Variants in SGTB observed in about 807,000 individuals in gnomAD.
SGTB encodes small glutamine-rich tetratricopeptide repeat-containing protein beta.
A neutral mutation model predicts 43.9 loss-of-function variants in SGTB; 19 were observed. The ratio of observed to expected loss-of-function variants is 0.43; its 90% CI spans 0.30 to 0.63. SGTB has a LOEUF of 0.63. Among genes scored for constraint, SGTB ranks in the 30% least tolerant of loss-of-function variants. The probability of loss-of-function intolerance (pLI) is 0.12; values close to 1 mark genes in which losing one functional copy is unlikely to be tolerated. For missense variants in SGTB, 304 were observed against 358.9 expected (o/e 0.85, Z 1.24); for synonymous variants, 116 against 117.3 (o/e 0.99, Z 0.07).
intron 10 of SGTB, among the ~76,000 whole-genome samples, chr5:65,670,650 T>C (rs943125063): frequency 2.0e-5 from 3 of 152,216 alleles, no homozygotes; most frequent in Admixed American, 2.0e-4. Flanking sequence ...GTAAGACGTA[T>C]ATGTTTTTAT....
At chr5:65,712,680 G>C (rs1554026420) in intron 3 of SGTB, among the ~76,000 whole-genome samples, 1 of 151,132 alleles carries the variant, frequency 6.6e-6, no homozygotes, top group South Asian at 2.1e-4. Context: ...TGACATTCAA[G>C]AAAAAAAATA....
chr5:65,671,368 AC>A (rs1194873176), intron 10 of SGTB, among the ~76,000 whole-genome samples: 1 of 152,088 alleles, frequency 6.6e-6, no homozygotes, highest in Non-Finnish European at 1.5e-5. Flanking sequence ...CAGTATTGAT[AC>A]CCCCACTTAA....
At position 65,686,649 on chromosome 5, in the gene SGTB, G is replaced by A. The variant is rs949328423; in HGVS notation, c.375-1177C>T. ...GCTGGGATTACAGGCATGAGCCACC[G>A]CACCTGGCCCCATATATGTTGTTTT... On this transcript the variant is annotated intron_variant, in intron 5 of 10. Coordinates refer to ENST00000381007, the MANE Select transcript of SGTB (RefSeq NM_019072.3). 5.9e-5 allele frequency among the ~76,000 whole-genome samples: 9 copies of A among 151,810 alleles called. No homozygotes were observed. The South Asian group carries it at 6.2e-4, about 11-fold the overall frequency.
At chr5:65,677,526 A>G (rs1427247357) in intron 8 of SGTB, among the ~76,000 whole-genome samples, 1 of 152,160 alleles carries the variant, frequency 6.6e-6, no homozygotes, top group Non-Finnish European at 1.5e-5. Flanking sequence ...CCTGGCAGAG[A>G]TACAATAACA....
chr5:65,700,384 A>G (rs1179083076), intron 5 of SGTB, among the ~76,000 whole-genome samples: 1 of 152,114 alleles, frequency 6.6e-6, no homozygotes, highest in African/African-American at 2.4e-5. Flanking sequence ...AAAAAGAAGA[A>G]TGAGCCGGGT....
Position 65,667,156 on chromosome 5 carries a change from G to A in SGTB, c.*3090C>T, listed in dbSNP as rs2150698891. 6.6e-6 allele frequency: 1 copy of A among 152,140 alleles called. No individual in the cohort carries two copies. The highest frequency in any genetic ancestry group is 1.9e-4 in the East Asian group (1 of 5,174). The allele number at this position is 152,140 out of a possible 1,614,324, so 9.4% of individuals were successfully genotyped here. A position where few individuals can be genotyped will look rare whatever the true frequency, so the allele number is the denominator to read the frequency against. On this transcript the variant is annotated 3_prime_UTR_variant, in exon 11 of 11. Coordinates refer to ENST00000381007, the MANE Select transcript of SGTB (RefSeq NM_019072.3). ...GAGCTTTCTAGTTTGTATCCTATAG[G>A]GAATCTGTTTCATCTAAGTTGTTAA...
chr5:65,683,411 G>A (rs1757436658), intron 6 of SGTB, among the ~76,000 whole-genome samples: 1 of 152,108 alleles, frequency 6.6e-6, no homozygotes, highest in Admixed American at 6.5e-5. Context: ...TTAGCAAGTA[G>A]GCAAATTCAT....
rs115454844 is a variant in SGTB at position 65,721,952 on chromosome 5, G to C, written c.-58C>G. On this transcript the variant is annotated 5_prime_UTR_variant, in exon 1 of 11. Transcript: ENST00000381007. Reference sequence around the variant, plus strand: ...GACGCGAGACGACTGCTGCTGGCCCGCGGGGTTCCGTAGGCAGGCCCGCCC... The same window carrying C: ...GACGCGAGACGACTGCTGCTGGCCCCCGGGGTTCCGTAGGCAGGCCCGCCC... The C allele has an allele frequency of 6.6e-6, 1 of 152,456 alleles. No homozygotes were observed. Among genetic ancestry groups the C allele is most frequent in the East Asian group, 1.9e-4 (1 of 5,162 alleles). The allele number at this position is 152,456 out of a possible 1,614,324, so 9.4% of individuals were successfully genotyped here. A position where few individuals can be genotyped will look rare whatever the true frequency, so the allele number is the denominator to read the frequency against.
chr5:65,682,253 G>C (rs1757411720), intron 6 of SGTB, among the ~76,000 whole-genome samples: 1 of 152,190 alleles, frequency 6.6e-6, no homozygotes, highest in South Asian at 2.1e-4. Flanking sequence ...GATGAGGAGG[G>C]AACACAGAAA....
At chr5:65,706,014 C>G (rs1757927108) in intron 4 of SGTB, among the ~76,000 whole-genome samples, 1 of 151,208 alleles carries the variant, frequency 6.6e-6, no homozygotes, top group African/African-American at 2.4e-5. Context: ...CCACCCTGGT[C>G]GAAAGAGTGA....
rs540135883 is a variant in SGTB, at chr5:65,707,080, G to A, written c.274+1409C>T. Reference sequence around the variant, plus strand: ...GTTCAAAACCAGCCTGGCCAACATGGTGAAACCTCATCTCTACTAAAAATA... The same window carrying A: ...GTTCAAAACCAGCCTGGCCAACATGATGAAACCTCATCTCTACTAAAAATA... On this transcript the variant is annotated intron_variant, in intron 4 of 10. Coordinates refer to ENST00000381007, the MANE Select transcript of SGTB (RefSeq NM_019072.3). 4.0e-5 allele frequency among the ~76,000 whole-genome samples: 6 copies of A among 150,830 alleles called. No homozygotes were observed. In the South Asian group the frequency reaches 1.3e-3, roughly 32 times the overall value.
Position 65,670,250 on chromosome 5 carries a change from G to T in SGTB, c.911C>A (p.Ser304Tyr), listed in dbSNP as rs1394770280. Residue 304 changes from serine to tyrosine, a missense_variant, in exon 11 of 11, where the codon TCC becomes TAC. Physicochemically the swap from Ser to Tyr is moderately radical, Grantham distance 144 (BLOSUM62 -2). Coordinates refer to ENST00000381007, the MANE Select transcript of SGTB (RefSeq NM_019072.3). ...RSFSSSAEEH[S>Y] ...GGGCTTGAGCCCCTGGTTAAATCAG[G>T]AATGCTCTTCAGCGCTGCTGCTGAA... 1 of 1,613,798 alleles carries T rather than the reference G, an allele frequency of 6.2e-7. No homozygotes were observed. Among genetic ancestry groups the T allele is most frequent in the Non-Finnish European group, 8.5e-7 (1 of 1,179,768 alleles).
At chr5:65,679,230 A>G (rs559350780) in intron 8 of SGTB, among the ~76,000 whole-genome samples, 2 of 152,254 alleles carry the variant, frequency 1.3e-5, no homozygotes, top group African/African-American at 4.8e-5. Context: ...GCCAACAAAC[A>G]TATGAAAAAA....
In SGTB at chr5:65,720,846, A is replaced by G. The variant is rs1211159815; in HGVS notation, c.-22-17T>C. ...ACACTTTTCCTTGATAAGAAAAATGAAAACACTGAACTAAGTTATTTTAAA... is the reference window on the plus strand; with the variant it reads ...ACACTTTTCCTTGATAAGAAAAATGGAAACACTGAACTAAGTTATTTTAAA... On this transcript the variant is annotated splice_polypyrimidine_tract_variant and intron_variant, in intron 1 of 10. Coordinates refer to ENST00000381007, the MANE Select transcript of SGTB (RefSeq NM_019072.3). 1.9e-6 allele frequency: 3 copies of G among 1,603,660 alleles called. No homozygotes were observed. Among genetic ancestry groups the G allele is most frequent in the Non-Finnish European group, 2.5e-6 (3 of 1,176,704 alleles).
chr5:65,680,069 GA>G (rs1299370397), intron 8 of SGTB, among the ~76,000 whole-genome samples: 1 of 152,168 alleles, frequency 6.6e-6, no homozygotes, highest in Non-Finnish European at 1.5e-5. Flanking sequence ...ACTAACACAG[GA>G]AAAGAAAACC....
intron 8 of SGTB, among the ~76,000 whole-genome samples, chr5:65,677,100 GAGA>G (rs1424583431): frequency 6.6e-6 from 1 of 151,348 alleles, no homozygotes; most frequent in African/African-American, 2.4e-5. Flanking sequence ...AGAAAAAAGA[GAGA>G]AGATTCAAAC....
chr5:65,721,229 T>G (rs1036644693), intron 1 of SGTB, among the ~76,000 whole-genome samples: 1 of 152,236 alleles, frequency 6.6e-6, no homozygotes, highest in Non-Finnish European at 1.5e-5. Flanking sequence ...CTCTTTTTCA[T>G]GGGATCTAAA....
chr5:65,672,060 G>A, intron 9 of SGTB, 62 bp from the exon 10 acceptor site: 1 of 1,595,210 alleles, frequency 6.3e-7, no homozygotes, highest in East Asian at 2.2e-5. Context: ...TAGGACAACT[G>A]GACGAGGAAA....
At chr5:65,690,770 G>A (rs1757591832) in intron 5 of SGTB, among the ~76,000 whole-genome samples, 1 of 152,174 alleles carries the variant, frequency 6.6e-6, no homozygotes, top group South Asian at 2.1e-4. Context: ...TCCTATAGGG[G>A]ATGGGTGAGA....
Sources: allele counts gnomAD v4.1 joint callset (sites outside exome capture counted in the v4.1 genomes callset), GRCh38; gene constraint gnomAD v4.1.1; transcripts MANE v1.5; gene names NCBI Gene and HGNC (gene_info 2026-07-23, HGNC 2026-07-21).